SLIT3: variants seen among roughly 807,000 people sequenced by gnomAD.
SLIT3 encodes the protein slit homolog 3 protein.
SLIT3 carries 68 observed loss-of-function variants against 184.0 expected under a neutral mutation model. The observed-to-expected ratio is 0.37, with a 90% CI of 0.30 to 0.45. SLIT3 has a LOEUF of 0.45. SLIT3 is among the 20% of genes least tolerant of loss of function. The pLI is 1.00. For synonymous variants in SLIT3, 831 were observed against 828.6 expected, an observed-to-expected ratio of 1.00 and a Z score of -0.05; for missense variants, 1,707 against 2,026.0, an observed-to-expected ratio of 0.84 and a Z score of 3.02.
At chr5:168,954,564 C>T (rs575501299) in intron 4 of SLIT3, among the ~76,000 whole-genome samples, 4 of 152,252 alleles carry the variant, frequency 2.6e-5, no homozygotes, top group African/African-American at 9.6e-5. Context: ...CAACAAAGTA[C>T]TTCAAGATTA....
At chr5:168,950,460 G>A (rs1762614763) in intron 4 of SLIT3, among the ~76,000 whole-genome samples, 1 of 152,208 alleles carries the variant, frequency 6.6e-6, no homozygotes, top group Non-Finnish European at 1.5e-5. Flanking sequence ...CGTTTTCTTA[G>A]AAGGCCAGTC....
Position 169,300,687 on chromosome 5 carries a change from A to C in SLIT3, c.23T>G (p.Val8Gly), listed in dbSNP as rs1048044171. The C allele has an allele frequency of 5.1e-6, 7 of 1,373,578 alleles. No homozygotes were observed. Among genetic ancestry groups the C allele is most frequent in the African/African-American group, 1.5e-5 (1 of 65,390 alleles). 85.1% of individuals were successfully genotyped at this position (1,373,578 alleles called of 1,614,324 possible). A position where few individuals can be genotyped will look rare whatever the true frequency, so the allele number is the denominator to read the frequency against. The change falls in exon 1 of 36, where the codon GTC (valine) becomes GGC (glycine). Residue 8 changes from valine (V) to glycine (G), a missense_variant. Physicochemically the swap from Val to Gly is moderately radical, Grantham distance 109. Coordinates refer to ENST00000519560, the MANE Select transcript of SLIT3 (RefSeq NM_003062.4). This position sits in a 1 kb window ranked among gnomAD's most constrained non-coding sequence, Gnocchi z 4.1. MAPGWAG[V>G]GAAVRARLAL... is the part of the protein sequence containing the mutation. ...CAGGCGGGCGCGCACGGCGGCGCCG[A>C]CCCCTGCCCACCCGGGGGCCATGGT...
chr5:168,829,128 C>T (rs886229598), intron 6 of SLIT3, among the ~76,000 whole-genome samples: 3 of 152,164 alleles, frequency 2.0e-5, no homozygotes, highest in South Asian at 4.1e-4. Context: ...GGAGGAGACA[C>T]GTCCAGCTGC....
At chr5:168,987,744 C>T (rs1398895466) in intron 4 of SLIT3, among the ~76,000 whole-genome samples, 1 of 152,250 alleles carries the variant, frequency 6.6e-6, no homozygotes, top group Non-Finnish European at 1.5e-5. Flanking sequence ...CACATTCCCA[C>T]TCATGGCCAC....
At position 169,238,530 on chromosome 5, in the gene SLIT3, A is replaced by G. The variant is rs1765278896; in HGVS notation, c.341+6175T>C. ...AAATTTCCCTGTAGTTTTAGAATGG[A>G]GCAGTGAAATAGCTTTTTTTTTTTT... is the stretch of plus-strand genomic sequence containing the variant. On this transcript the variant is annotated intron_variant, in intron 3 of 35. Transcript: ENST00000519560. 2.9e-5 allele frequency among the ~76,000 whole-genome samples: 4 copies of G among 140,110 alleles called. No homozygotes were observed. The South Asian group carries it at 9.4e-4, about 33-fold the overall frequency. The allele number at this position is 140,110 out of a possible 152,430, so 91.9% of individuals were successfully genotyped here.
intron 16 of SLIT3, among the ~76,000 whole-genome samples, chr5:168,755,510 C>T (rs894597841): frequency 1.3e-5 from 2 of 151,294 alleles, no homozygotes; most frequent in South Asian, 4.2e-4. Flanking sequence ...TCTTGGCTCA[C>T]TGCAGCCTCT....
At chr5:168,900,579 C>T (rs536972498) in intron 4 of SLIT3, among the ~76,000 whole-genome samples, 10 of 152,302 alleles carry the variant, frequency 6.6e-5, no homozygotes, top group African/African-American at 2.2e-4. Flanking sequence ...TGTGCCATTG[C>T]ACTCCAGCCT....
At chr5:168,815,616 A>G (rs886471073) in intron 8 of SLIT3, among the ~76,000 whole-genome samples, 2 of 152,242 alleles carry the variant, frequency 1.3e-5, no homozygotes, top group African/African-American at 4.8e-5. Flanking sequence ...GTGGGTGTCT[A>G]TAGGAAGTTA....
At chr5:168,724,367 G>T in intron 21 of SLIT3, 49 bp downstream of exon 21, 1 of 1,505,114 alleles carries the variant, frequency 6.6e-7, no homozygotes, top group Non-Finnish European at 9.2e-7. Context: ...TTTCCTGAGC[G>T]ACCCCAGCAG....
At position 168,722,338 on chromosome 5, in the gene SLIT3, G is replaced by A. The variant is rs747673233; in HGVS notation, c.2412-11C>T. The A allele has an allele frequency of 6.2e-7, 1 of 1,613,588 alleles. No homozygotes were observed. Among genetic ancestry groups the A allele is most frequent in the East Asian group, 2.2e-5 (1 of 44,886 alleles). On this transcript the variant is annotated splice_polypyrimidine_tract_variant and intron_variant, in intron 22 of 35. Coordinates refer to ENST00000519560, the MANE Select transcript of SLIT3 (RefSeq NM_003062.4). ...TTGTAGCTCAGGATCCTGTGGAAAA[G>A]GAGGCATGTGCCCTGTTGTGTCTTT...
intron 5 of SLIT3, among the ~76,000 whole-genome samples, chr5:168,868,694 G>A (rs1002105664): frequency 6.9e-6 from 1 of 145,428 alleles, no homozygotes; most frequent in Non-Finnish European, 1.5e-5. Flanking sequence ...GTTACAGCGA[G>A]CTGAGATCAC....
chr5:168,763,106 T>G lies in SLIT3; in HGVS notation c.1460-417A>C, dbSNP rs547735992. The stretch of plus-strand genomic sequence containing the variant: ...CATTCATGGACCCTCTAAATGTTCA[T>G]GAAAATCCAAATGACAAGATTTTGA... On this transcript the variant is annotated intron_variant, in intron 14 of 35. Transcript: ENST00000519560. 2.0e-5 allele frequency among the ~76,000 whole-genome samples: 3 copies of G among 152,136 alleles called. No homozygotes were observed. The South Asian group carries it at 6.2e-4, about 32-fold the overall frequency.
At chr5:169,102,651 A>T (rs1760062750) in intron 4 of SLIT3, among the ~76,000 whole-genome samples, 2 of 152,178 alleles carry the variant, frequency 1.3e-5, no homozygotes, top group Non-Finnish European at 2.9e-5. Flanking sequence ...TACAGAGGAC[A>T]AGTGTGTGTG....
At chr5:169,002,470 T>C (rs1755749383) in intron 4 of SLIT3, among the ~76,000 whole-genome samples, 1 of 145,976 alleles carries the variant, frequency 6.9e-6, no homozygotes, top group African/African-American at 2.6e-5. Context: ...AACTAGGAAA[T>C]AGTGGAGATG....
intron 4 of SLIT3, among the ~76,000 whole-genome samples, chr5:169,001,668 G>A (rs1299612683): frequency 6.6e-6 from 1 of 152,180 alleles, no homozygotes; most frequent in Non-Finnish European, 1.5e-5. Flanking sequence ...AAGCTGGGAT[G>A]AGAACCAAGG....
At chr5:168,909,629 T>C (rs138048677) in intron 4 of SLIT3, among the ~76,000 whole-genome samples, 2 of 152,296 alleles carry the variant, frequency 1.3e-5, no homozygotes, top group African/African-American at 4.8e-5. Context: ...GACATTTGAG[T>C]GGTAATCCCT....
rs565528232 is a variant in SLIT3, at chr5:169,276,118, C to T, written c.197+24395G>A. Among the ~76,000 whole-genome samples, 13 of 152,226 alleles carry T rather than the reference C, an allele frequency of 8.5e-5. No individual in the cohort carries two copies. In the South Asian group the frequency reaches 1.7e-3, roughly 19 times the overall value. On this transcript the variant is annotated intron_variant, in intron 1 of 35. Transcript: ENST00000519560. ...AGAAAGAGAGCAATTGAACGCTACA[C>T]GAAATTCACATCAGCTTTCAGAAAC...
At chr5:169,140,866 G>T (rs1297949110) in intron 4 of SLIT3, among the ~76,000 whole-genome samples, 1 of 152,078 alleles carries the variant, frequency 6.6e-6, no homozygotes, top group Non-Finnish European at 1.5e-5. Context: ...AAACCTCAGT[G>T]GTTCCTCACT....
intron 3 of SLIT3, among the ~76,000 whole-genome samples, chr5:169,229,560 T>C (rs1764923449): frequency 6.6e-6 from 1 of 152,212 alleles, no homozygotes; most frequent in Admixed American, 6.5e-5. Context: ...GTTTGGTATG[T>C]ATTTGGCATG....
Sources: allele counts gnomAD v4.1 joint callset (sites outside exome capture counted in the v4.1 genomes callset), GRCh38; gene constraint gnomAD v4.1.1; non-coding constraint Gnocchi (gnomAD v3.1); transcripts MANE v1.5; gene names NCBI Gene and HGNC (gene_info 2026-07-23, HGNC 2026-07-21).